Variants in MBOAT2 observed in about 807,000 individuals in gnomAD.
The protein encoded by MBOAT2 is membrane bound glycerophospholipid O-acyltransferase 2, also known as membrane-bound glycerophospholipid O-acyltransferase 2.
MBOAT2 carries 28 observed loss-of-function variants against 63.4 expected under a neutral mutation model. The observed-to-expected ratio is 0.44, with a 90% confidence interval of 0.33 to 0.61. MBOAT2 has a LOEUF of 0.61. MBOAT2 is among the 20% of genes least tolerant of loss of function. MBOAT2 has a pLI of 0.03. For missense variants in MBOAT2, 470 were observed against 605.8 expected, an observed-to-expected ratio of 0.78 and a Z score of 2.35; for synonymous variants, 211 against 215.6, an observed-to-expected ratio of 0.98 and a Z score of 0.19.
At chr2:8,886,385 A>T (rs1663553000) in intron 5 of MBOAT2, among the ~76,000 whole-genome samples, 1 of 152,242 alleles carries the variant, frequency 6.6e-6, no homozygotes, top group South Asian at 2.1e-4. Flanking sequence ...AGTCCTGTGA[A>T]TCACCAAACT....
chr2:8,894,928 G>A (rs1039584356), intron 4 of MBOAT2, among the ~76,000 whole-genome samples: 7 of 152,024 alleles, frequency 4.6e-5, no homozygotes, highest in Admixed American at 3.9e-4. Context: ...GAGTGAAGCT[G>A]CAGACCTTCG....
At chr2:8,979,191 T>C (rs1348278169) in intron 1 of MBOAT2, among the ~76,000 whole-genome samples, 1 of 152,108 alleles carries the variant, frequency 6.6e-6, no homozygotes, top group Non-Finnish European at 1.5e-5. Context: ...ACTAAAATAG[T>C]ACACTTTTCA....
At chr2:8,883,338 C>T (rs1663285735) in intron 5 of MBOAT2, among the ~76,000 whole-genome samples, 1 of 152,120 alleles carries the variant, frequency 6.6e-6, no homozygotes, top group South Asian at 2.1e-4. Flanking sequence ...GTTAATTTCA[C>T]GATTAATAAT....
chr2:8,967,968 C>T (rs912419273), intron 1 of MBOAT2, among the ~76,000 whole-genome samples: 7 of 152,066 alleles, frequency 4.6e-5, no homozygotes, highest in African/African-American at 1.7e-4. Context: ...TCTACAGCTC[C>T]CAGAGTGAGT....
intron 3 of MBOAT2, among the ~76,000 whole-genome samples, chr2:8,930,113 C>T (rs1667213359): frequency 6.6e-6 from 1 of 152,192 alleles, no homozygotes; most frequent in Non-Finnish European, 1.5e-5. Context: ...GATCCTGTCT[C>T]CTTTGCCATG....
At chr2:8,914,613 A>C (rs1333239640) in intron 3 of MBOAT2, among the ~76,000 whole-genome samples, 1 of 152,156 alleles carries the variant, frequency 6.6e-6, no homozygotes, top group East Asian at 1.9e-4. Flanking sequence ...TAAATTTGTA[A>C]AATTTACAAT....
At chr2:8,974,206 T>G (rs1340040312) in intron 1 of MBOAT2, among the ~76,000 whole-genome samples, 1 of 152,170 alleles carries the variant, frequency 6.6e-6, no homozygotes, top group Admixed American at 6.5e-5. Context: ...ACTAGTCTCA[T>G]GGGATGAATA....
At chr2:8,903,182 C>G (rs1327127487) in intron 4 of MBOAT2, among the ~76,000 whole-genome samples, 1 of 152,182 alleles carries the variant, frequency 6.6e-6, no homozygotes, top group African/African-American at 2.4e-5. Context: ...CATTTACAAT[C>G]CTTTAGCTTG....
At chr2:8,945,594 A>G (rs899026040) in intron 2 of MBOAT2, among the ~76,000 whole-genome samples, 3 of 152,172 alleles carry the variant, frequency 2.0e-5, no homozygotes, top group African/African-American at 4.8e-5. Context: ...TATTCCAACT[A>G]ACATCAAAAC....
In MBOAT2 at chr2:8,856,703, C is replaced by A. The variant is rs562111415; in HGVS notation, c.*1976G>T. 1 of 152,018 alleles carries A rather than the reference C, an allele frequency of 6.6e-6. No homozygotes were observed. Among genetic ancestry groups the A allele is most frequent in the Non-Finnish European group, 1.5e-5 (1 of 68,054 alleles). 9.4% of individuals were successfully genotyped at this position (152,018 alleles called of 1,614,324 possible). On this transcript the variant is annotated 3_prime_UTR_variant, in exon 13 of 13. Coordinates refer to ENST00000305997, the MANE Select transcript of MBOAT2 (RefSeq NM_138799.4). This position sits in a 1 kb window ranked among gnomAD's most constrained non-coding sequence, Gnocchi z 4.2. The stretch of plus-strand genomic sequence containing the variant: ...CCAAGTAGCTGGGATTACAGGTGTG[C>A]GCCACCATGCCCGTCTAATTTTTGT...
intron 6 of MBOAT2, 125 bp downstream of exon 6, chr2:8,882,386 G>A: frequency 1.1e-6 from 1 of 934,282 alleles, no homozygotes; most frequent in African/African-American, 1.6e-5. Context: ...TGCATGGAGA[G>A]AGTGAGGCTT....
At chr2:8,963,805 T>C (rs1477071921) in intron 1 of MBOAT2, among the ~76,000 whole-genome samples, 1 of 152,246 alleles carries the variant, frequency 6.6e-6, no homozygotes, top group Admixed American at 6.5e-5. Flanking sequence ...GCTTTTACTA[T>C]GTGCTAGACA....
At chr2:8,873,630 A>G (rs1346639265) in intron 7 of MBOAT2, among the ~76,000 whole-genome samples, 1 of 152,216 alleles carries the variant, frequency 6.6e-6, no homozygotes. Context: ...TAAAAAATTA[A>G]CACTAATTAC....
Position 8,979,885 on chromosome 2 carries a change from C to A in MBOAT2, c.76-21243G>T, listed in dbSNP as rs1558679628. Among the ~76,000 whole-genome samples, 3 of 152,116 alleles carry A rather than the reference C, an allele frequency of 2.0e-5. No individual in the cohort carries two copies. In the South Asian group the frequency reaches 6.2e-4, roughly 31 times the overall value. On this transcript the variant is annotated intron_variant, in intron 1 of 12. Coordinates refer to ENST00000305997, the MANE Select transcript of MBOAT2 (RefSeq NM_138799.4). ...ATACGCAGACTCCACTACTAATACG[C>A]CTAACAATAGTGTCTCTTTAGGGCT...
At chr2:8,938,898 TGCCCCCCA>T in intron 3 of MBOAT2, among the ~76,000 whole-genome samples, 1 of 152,318 alleles carries the variant, frequency 6.6e-6, no homozygotes, top group Non-Finnish European at 1.5e-5. Flanking sequence ...TCACATACCA[TGCCCCCCA>T]GGAATCTCTG....
chr2:8,943,837 G>GT (rs954749414), intron 2 of MBOAT2, among the ~76,000 whole-genome samples: 2 of 152,046 alleles, frequency 1.3e-5, no homozygotes, highest in Non-Finnish European at 2.9e-5. Flanking sequence ...TTGCTGTAAC[G>GT]TATCTACAAA....
At chr2:8,895,894 C>T (rs1204675366) in intron 4 of MBOAT2, among the ~76,000 whole-genome samples, 3 of 152,044 alleles carry the variant, frequency 2.0e-5, no homozygotes, top group African/African-American at 7.3e-5. Context: ...TGTCACAGGA[C>T]CTAGAAAGGG....
At chr2:8,919,116 A>G (rs1296238857) in intron 3 of MBOAT2, among the ~76,000 whole-genome samples, 2 of 152,180 alleles carry the variant, frequency 1.3e-5, no homozygotes, top group African/African-American at 4.8e-5. Flanking sequence ...ATGGTATTCC[A>G]TTGTATGGAC....
At position 8,858,477 on chromosome 2, in the gene MBOAT2, T is replaced by C. The variant is rs889328491; in HGVS notation, c.*202A>G. ...ACTGAAATATGGAAATATTCTTACA[T>C]AAGGCGTGGCCCACGGAGACATGGC... On this transcript the variant is annotated 3_prime_UTR_variant, in exon 13 of 13. Transcript: ENST00000305997. 6 of 515,546 alleles carry C rather than the reference T, an allele frequency of 1.2e-5. No individual in the cohort carries two copies. The highest frequency in any genetic ancestry group is 9.5e-5 in the African/African-American group (5 of 52,456). The allele number at this position is 515,546 out of a possible 1,614,324, so 31.9% of individuals were successfully genotyped here. A position where few individuals can be genotyped will look rare whatever the true frequency, so the allele number is the denominator to read the frequency against.
Sources: allele counts gnomAD v4.1 joint callset (sites outside exome capture counted in the v4.1 genomes callset), GRCh38; gene constraint gnomAD v4.1.1; non-coding constraint Gnocchi (gnomAD v3.1); transcripts MANE v1.5; gene names NCBI Gene and HGNC (gene_info 2026-07-23, HGNC 2026-07-21).